Variants in JPH3 observed in about 807,000 individuals in gnomAD.
The protein encoded by JPH3 is junctophilin-3.
A neutral mutation model predicts 59.6 loss-of-function variants in JPH3; 11 were observed. That is an observed-to-expected ratio of 0.18 (90% CI 0.12 to 0.31). JPH3 has a LOEUF of 0.31. Among genes scored for constraint, JPH3 ranks in the 10% least tolerant of loss-of-function variants. The pLI, the probability that JPH3 is intolerant of heterozygous loss-of-function variation, is 1.00. For synonymous variants in JPH3, 673 were observed against 483.6 expected (o/e 1.39, Z -5.14); for missense variants, 1,202 against 1,105.7 (o/e 1.09, Z -1.24).
At chr16:87,660,347 C>G (rs1367065847) in intron 2 of JPH3, among the ~76,000 whole-genome samples, 1 of 152,116 alleles carries the variant, frequency 6.6e-6, no homozygotes. Flanking sequence ...AGAGGACTTC[C>G]TGGGAGTGAG....
chr16:87,663,009 CTCTT>C (rs1567605172), intron 2 of JPH3, among the ~76,000 whole-genome samples: 3 of 152,210 alleles, frequency 2.0e-5, no homozygotes, highest in Non-Finnish European at 2.9e-5. Flanking sequence ...ACCAGCCTGT[CTCTT>C]TGGACCATAA....
chr16:87,688,908 T>C (rs1452098360), intron 3 of JPH3, among the ~76,000 whole-genome samples: 7 of 152,162 alleles, frequency 4.6e-5, no homozygotes, highest in African/African-American at 1.4e-4. Context: ...TGCTGGGGGC[T>C]CACGGAGCTC....
At chr16:87,655,823 C>T (rs1334619171) in intron 2 of JPH3, among the ~76,000 whole-genome samples, 2 of 152,230 alleles carry the variant, frequency 1.3e-5, no homozygotes, top group African/African-American at 4.8e-5. Flanking sequence ...CTGCCCACCT[C>T]GTAGGAGGCT....
At chr16:87,670,929 C>T (rs1177419512) in intron 2 of JPH3, among the ~76,000 whole-genome samples, 3 of 152,094 alleles carry the variant, frequency 2.0e-5, no homozygotes, top group South Asian at 2.1e-4. Flanking sequence ...GGCCCAAGAG[C>T]GGGAATTGAT....
upstream of JPH3, chr16:87,602,088 GGGGGCGGGCAGGGGCGAGGGTA>G (rs1270415374): frequency 2.0e-5 from 3 of 152,322 alleles, no homozygotes; most frequent in Non-Finnish European, 2.9e-5. Flanking sequence ...GGCGAGGCGC[GGGGGCGGGCAGGGGCGAGGGTA>G]GGGGCGCTCA....
intron 1 of JPH3, among the ~76,000 whole-genome samples, chr16:87,635,664 CG>C (rs2031716441): frequency 6.6e-6 from 1 of 152,222 alleles, no homozygotes. Context: ...AGCTGTGGCT[CG>C]AGTGACACCT....
At chr16:87,663,659 G>A (rs984885808) in intron 2 of JPH3, among the ~76,000 whole-genome samples, 1 of 152,042 alleles carries the variant, frequency 6.6e-6, no homozygotes, top group Non-Finnish European at 1.5e-5. Context: ...AGCCCCAGCC[G>A]CCCCAGGGAC....
chr16:87,620,488 A>AGGGAAGGAGAGAAGAGAGG (rs2031142947), intron 1 of JPH3, among the ~76,000 whole-genome samples: 1 of 99,906 alleles, frequency 1.0e-5, no homozygotes, highest in Admixed American at 1.2e-4. Flanking sequence ...GAAGAGAGGG[A>AGGGAAGGAGAGAAGAGAGG]GAGGGGGAGG....
chr16:87,693,961 C>CACG (rs2033692506), intron 4 of JPH3: 1 of 152,274 alleles, frequency 6.6e-6, no homozygotes, highest in Non-Finnish European at 1.5e-5. Context: ...TTGCCGCTGC[C>CACG]GTGTTGAGCC....
At chr16:87,658,339 T>TC (rs2032576978) in intron 2 of JPH3, among the ~76,000 whole-genome samples, 1 of 152,052 alleles carries the variant, frequency 6.6e-6, no homozygotes. Context: ...TTTCTCTGTT[T>TC]CCCTCTCTCT....
chr16:87,635,736 C>T (rs1186008027), intron 1 of JPH3, among the ~76,000 whole-genome samples: 5 of 152,190 alleles, frequency 3.3e-5, no homozygotes, highest in South Asian at 4.1e-4. Context: ...CGGCGTTTCA[C>T]GGGCAAGGTT....
At chr16:87,647,309 G>A (rs760462595) in intron 2 of JPH3, among the ~76,000 whole-genome samples, 69 of 152,006 alleles carry the variant, frequency 4.5e-4, no homozygotes, top group Non-Finnish European at 7.9e-4. Context: ...CCCTTGGGAC[G>A]CTGGCCAGCC....
Position 87,616,226 on chromosome 16 carries a change from G to A in JPH3, c.382+12698G>A, listed in dbSNP as rs867027652. On this transcript the variant is annotated intron_variant, in intron 1 of 4. Transcript: ENST00000284262. ...TGTGTGTGTGTGTGTGTGTGTGTGT[G>A]TGTGTGTGTGTATTTTTTTTTTTTT... is the stretch of plus-strand genomic sequence containing the variant. 3.2e-3 allele frequency among the ~76,000 whole-genome samples: 432 copies of A among 135,666 alleles called. 3 individuals carry two copies. The highest frequency in any genetic ancestry group is 9.4e-3 in the Admixed American group (129 of 13,686). 89.0% of individuals were successfully genotyped at this position (135,666 alleles called of 152,430 possible).
intron 4 of JPH3, chr16:87,694,986 T>G (rs554915517): frequency 1.6e-4 from 48 of 292,486 alleles, no homozygotes; most frequent in Middle Eastern, 2.4e-3. Context: ...ACTCCGTGGC[T>G]GTTGTGAATC....
At chr16:87,660,441 C>G (rs1340028082) in intron 2 of JPH3, among the ~76,000 whole-genome samples, 1 of 152,144 alleles carries the variant, frequency 6.6e-6, no homozygotes, top group African/African-American at 2.4e-5. Context: ...GGCTCTGTCC[C>G]CAAGTGGCCA....
intron 1 of JPH3, among the ~76,000 whole-genome samples, chr16:87,633,530 G>A (rs59251450): frequency 0.077 from 11,600 of 151,586 alleles, 1,312 homozygotes; most frequent in African/African-American, 0.25. Context: ...GGCGGGGCGC[G>A]GTGGCTCACA....
chr16:87,646,550 T>C (rs1008253646), intron 2 of JPH3, among the ~76,000 whole-genome samples: 8 of 152,222 alleles, frequency 5.3e-5, no homozygotes, highest in African/African-American at 1.7e-4. Context: ...GGAAAATAAA[T>C]AACACTGAGA....
rs373416638 is a variant in JPH3, at chr16:87,644,500, A to G, written c.625A>G (p.Ser209Gly). Residue 209 changes from serine to glycine, a missense_variant, in exon 2 of 5, where the codon AGC becomes GGC. Ser to Gly is a moderately conservative substitution (Grantham distance 56, BLOSUM62 0). Coordinates refer to ENST00000284262, the MANE Select transcript of JPH3 (RefSeq NM_020655.4). ...CCACAGTGACTCCGAGATCCTCAAG[A>G]GCAAGAAGAAGGGGCTGTTTCGGCG... ...VAHSDSEILK[S>G]KKKGLFRRSL... is the part of the protein sequence containing the mutation. 5.0e-6 allele frequency: 8 copies of G among 1,612,792 alleles called. No homozygotes were observed. Among genetic ancestry groups the G allele is most frequent in the Non-Finnish European group, 6.8e-6 (8 of 1,179,862 alleles).
intron 1 of JPH3, among the ~76,000 whole-genome samples, chr16:87,626,258 G>A (rs539899287): frequency 6.6e-6 from 1 of 152,134 alleles, no homozygotes; most frequent in Non-Finnish European, 1.5e-5. Flanking sequence ...TTGTGCACAC[G>A]TGCAGACTGA....
Sources: gnomAD v4.1 joint callset for allele counts (sites outside exome capture counted in the v4.1 genomes callset) on GRCh38, gnomAD v4.1.1 for gene constraint, MANE v1.5 for transcripts, NCBI Gene and HGNC (gene_info 2026-07-23, HGNC 2026-07-21) for gene names.